CP: variants seen among roughly 807,000 people sequenced by gnomAD.
CP encodes caeruloplasmin.
A neutral mutation model predicts 122.4 loss-of-function variants in CP; 64 were observed. The ratio of observed to expected loss-of-function variants is 0.52; its 90% CI spans 0.43 to 0.64. The LOEUF is 0.64. Among genes scored for constraint, CP ranks in the 30% least tolerant of loss-of-function variants. The pLI is 0.00. For missense variants in CP, 1,167 were observed against 1,284.4 expected (o/e 0.91, Z 1.40); for synonymous variants, 440 against 436.4 (o/e 1.01, Z -0.10).
rs1727953685 is a variant in CP at position 149,209,308 on chromosome 3, G to A, written c.684C>T (p.Phe228=). The change falls in exon 4 of 19, where the codon TTC becomes TTT. Residue 228 remains phenylalanine, a synonymous_variant. Coordinates refer to ENST00000264613, the MANE Select transcript of CP (RefSeq NM_000096.4). ...TAATGTTGTCTTCTAGGTACCAGCT[G>A]AAATTTTCATCCACCACAGAAAACA... ...VVMFSVVDEN[F]SWYLEDNIKT... 4 of 1,613,764 alleles carry A rather than the reference G, an allele frequency of 2.5e-6. No individual in the cohort carries two copies. Among genetic ancestry groups the A allele is most frequent in the Non-Finnish European group, 1.7e-6 (2 of 1,179,790 alleles).
intron 4 of CP, chr3:149,166,931 A>AT: frequency 1.1e-6 from 1 of 870,550 alleles, no homozygotes; most frequent in Non-Finnish European, 2.0e-6. Context: ...TTTCTATTTT[A>AT]TTTTTGGCAA....
rs528504188 is a variant in CP at position 149,167,137 on chromosome 3, G to A, written c.587-1087C>T. The A allele has an allele frequency of 1.1e-5, 17 of 1,613,722 alleles. No homozygotes were observed. The East Asian group carries it at 1.6e-4, about 15-fold the overall frequency. On this transcript the variant is annotated intron_variant, in intron 4 of 5. Coordinates refer to the CP transcript ENST00000479771. ...GGCCTCAGTGTCCATGTTCTGTGTCGTACACGCTTGAAAGAGTATGAACAG... is the reference window on the plus strand; with the variant it reads ...GGCCTCAGTGTCCATGTTCTGTGTCATACACGCTTGAAAGAGTATGAACAG...
intron 7 of CP, 33 bp from the exon 8 acceptor site, chr3:149,199,897 T>A: frequency 6.2e-7 from 1 of 1,608,508 alleles, no homozygotes. Flanking sequence ...TATCCTTCCT[T>A]GGTATGTAAC....
intron 8 of CP, among the ~76,000 whole-genome samples, chr3:149,199,381 A>C (rs1286888355): frequency 6.6e-6 from 1 of 152,196 alleles, no homozygotes; most frequent in Non-Finnish European, 1.5e-5. Context: ...TATATTTTTC[A>C]AATATTCTAA....
intron 7 of CP, among the ~76,000 whole-genome samples, chr3:149,201,893 C>A (rs1169149188): frequency 6.6e-6 from 1 of 152,196 alleles, no homozygotes; most frequent in African/African-American, 2.4e-5. Flanking sequence ...CCACTCCCGG[C>A]CGTCAGCAGG....
At chr3:149,169,112 C>A (rs550729202), downstream of CP, among the ~76,000 whole-genome samples, 93 of 151,846 alleles carry the variant, frequency 6.1e-4, no homozygotes, top group African/African-American at 2.0e-3. Flanking sequence ...GACTGTAATA[C>A]CTCAAGAGCT....
chr3:149,162,526 T>A (rs1187771730), exon 6 of CP: 4 of 942,168 alleles, frequency 4.2e-6, no homozygotes, highest in Non-Finnish European at 6.7e-6. Flanking sequence ...TCCTAGAATC[T>A]GTTTCCTTTT....
At chr3:149,211,166 C>G (rs939079222) in intron 2 of CP, among the ~76,000 whole-genome samples, 1 of 152,172 alleles carries the variant, frequency 6.6e-6, no homozygotes, top group Non-Finnish European at 1.5e-5. Context: ...CATTCACTTT[C>G]TAAACCAATA....
intron 4 of CP, among the ~76,000 whole-genome samples, chr3:149,208,510 C>T (rs1005809721): frequency 2.6e-5 from 4 of 151,988 alleles, no homozygotes; most frequent in Admixed American, 2.0e-4. Context: ...TTGGTAGTAT[C>T]GTTATTTTTG....
In CP at chr3:149,207,136, G is replaced by T. The variant is rs551961227; in HGVS notation, c.1036+227C>A. Among the ~76,000 whole-genome samples, 5 of 151,808 alleles carry T rather than the reference G, an allele frequency of 3.3e-5. No individual in the cohort carries two copies. In the South Asian group the frequency reaches 6.3e-4, roughly 19 times the overall value. ...AGTATATATAGTACTATACTTTCAG[G>T]GCCAGTTGTTCTTTCCAAAAACTAA... is the stretch of plus-strand genomic sequence containing the variant. On this transcript the variant is annotated intron_variant, in intron 5 of 18. Coordinates refer to ENST00000264613, the MANE Select transcript of CP (RefSeq NM_000096.4).
Position 149,221,676 on chromosome 3 carries a change from A to G in CP, c.117T>C (p.His39=), listed in dbSNP as rs770263704. 6 of 1,612,634 alleles carry G rather than the reference A, an allele frequency of 3.7e-6. No homozygotes were observed. The African/African-American group carries it at 4.0e-5, about 11-fold the overall frequency. ...IETTWDYASD[H]GEKKLISVDT... ...CAACAGAAATAAGTTTCTTTTCCCC[A>G]TGGTCAGAGGCATAATCCCAAGTCG... Residue 39 remains histidine (H), a synonymous_variant, in exon 1 of 19, where the codon CAT becomes CAC. Coordinates refer to ENST00000264613, the MANE Select transcript of CP (RefSeq NM_000096.4).
chr3:149,210,932 C>G (rs932882623), intron 2 of CP, among the ~76,000 whole-genome samples: 2 of 152,184 alleles, frequency 1.3e-5, no homozygotes, highest in Non-Finnish European at 2.9e-5. Context: ...AAGCACGTCT[C>G]AGACATCATA....
At chr3:149,162,829 C>G (rs778009938) in exon 6 of CP, 1 of 1,613,988 alleles carries the variant, frequency 6.2e-7, no homozygotes, top group Admixed American at 1.7e-5. Flanking sequence ...TGGAGATTGT[C>G]TAAGAGGCAG....
At chr3:149,167,820 T>C, downstream of CP, 1 of 924,786 alleles carries the variant, frequency 1.1e-6, no homozygotes, top group South Asian at 1.3e-5. Flanking sequence ...TCCTGCACAA[T>C]CTTCTTATTC....
intron 14 of CP, 30 bp downstream of exon 14, chr3:149,181,975 C>CGGGGGGGGGGGGGCG: frequency 1.8e-6 from 2 of 1,088,426 alleles, no homozygotes; most frequent in Non-Finnish European, 2.7e-6. Context: ...TGTTAAAATG[C>CGGGGGGGGGGGGGCG]ACCACCCCCA....
In CP at chr3:149,185,324, A is replaced by G; in HGVS notation, c.2200T>C (p.Tyr734His). The change falls in exon 12 of 19, where the codon TAC becomes CAC. Residue 734 changes from tyrosine (Y) to histidine (H), a missense_variant. Physicochemically the swap from Tyr to His is moderately conservative, Grantham distance 83 (BLOSUM62 2). This residue lies in a region of CP where 525 missense variants were observed against 657.2 expected (regional missense o/e 0.80). Coordinates refer to ENST00000264613, the MANE Select transcript of CP (RefSeq NM_000096.4). ...DSTFYLGERT[Y>H]YIAAVEVEWD... ...TCCACCTCCACTGCTGCGATATAGT[A>G]TGTCCTCTCTCCCAGGTAGAAGGTG... The G allele has an allele frequency of 6.2e-7, 1 of 1,614,070 alleles. No homozygotes were observed. The highest frequency in any genetic ancestry group is 8.5e-7 in the Non-Finnish European group (1 of 1,180,014).
chr3:149,215,654 A>C (rs1302085311), intron 1 of CP, among the ~76,000 whole-genome samples: 1 of 152,168 alleles, frequency 6.6e-6, no homozygotes, highest in Admixed American at 6.5e-5. Flanking sequence ...CTCTCTATTT[A>C]ATTTCGACAG....
chr3:149,204,687 T>C (rs1432814458), intron 6 of CP, among the ~76,000 whole-genome samples: 1 of 152,162 alleles, frequency 6.6e-6, no homozygotes, highest in Non-Finnish European at 1.5e-5. Context: ...GTATTTTTAA[T>C]ATGGATGGCA....
intron 9 of CP, among the ~76,000 whole-genome samples, chr3:149,193,581 G>T (rs1473221174): frequency 1.3e-5 from 2 of 152,032 alleles, no homozygotes; most frequent in African/African-American, 4.8e-5. Flanking sequence ...CAGTGTTCAT[G>T]AAATATTTTC....
Sources: allele counts gnomAD v4.1 joint callset (sites outside exome capture counted in the v4.1 genomes callset), GRCh38; gene constraint gnomAD v4.1.1; regional missense constraint gnomAD v4.1.1; transcripts MANE v1.5; gene names NCBI Gene and HGNC (gene_info 2026-07-23, HGNC 2026-07-21).